The following ACACB variants were observed in gnomAD, a reference collection of about 807,000 sequenced individuals.
ACACB encodes acetyl-CoA carboxylase beta, also known as acetyl-CoA carboxylase 2.
A neutral mutation model predicts 278.8 loss-of-function variants in ACACB; 209 were observed. That is an observed-to-expected ratio of 0.75 (90% CI 0.67 to 0.84). The LOEUF is 0.84. ACACB is among the 40% of genes least tolerant of loss of function. The probability of loss-of-function intolerance (pLI) is 0.00; values close to 1 mark genes in which losing one functional copy is unlikely to be tolerated. For missense variants in ACACB, 2,850 were observed against 3,269.0 expected (o/e 0.87, Z 3.13); for synonymous variants, 1,174 against 1,285.6 (o/e 0.91, Z 1.86).
chr12:109,124,878 C>T (rs1044327584), intron 1 of ACACB, among the ~76,000 whole-genome samples: 8 of 152,150 alleles, frequency 5.3e-5, no homozygotes, highest in Admixed American at 1.3e-4. Flanking sequence ...CCATGCCTGG[C>T]TAATTTTATG....
At chr12:109,114,694 T>C (rs1431186736), upstream of ACACB, among the ~76,000 whole-genome samples, 1 of 151,910 alleles carries the variant, frequency 6.6e-6, no homozygotes, top group Non-Finnish European at 1.5e-5. Context: ...AAAAAAATTT[T>C]TTTTTTTTTA....
chr12:109,167,643 A>ATATATATATATATT lies in ACACB; in HGVS notation c.787-242_787-241insATTTATATATATAT, dbSNP rs1417620102. Among the ~76,000 whole-genome samples the ATATATATATATATT allele has an allele frequency of 3.2e-3, 438 of 135,518 alleles. 6 individuals carry two copies. Among genetic ancestry groups the ATATATATATATATT allele is most frequent in the African/African-American group, 0.012 (417 of 35,526 alleles). The allele number at this position is 135,518 out of a possible 152,430, so 88.9% of individuals were successfully genotyped here. ...TGTGTATATATATATATATATATAT[A>ATATATATATATATT]TATATATATATTTCAGACAAACAGC... On this transcript the variant is annotated intron_variant, in intron 3 of 52. Transcript: ENST00000338432.
At position 109,254,327 on chromosome 12, in the gene ACACB, T is replaced by C. The variant is rs1364508987; in HGVS notation, c.6159T>C (p.Pro2053=). 1 of 1,609,226 alleles carries C rather than the reference T, an allele frequency of 6.2e-7. No individual in the cohort carries two copies. Among genetic ancestry groups the C allele is most frequent in the Admixed American group, 1.7e-5 (1 of 59,442 alleles). ...YDPRWMLAGR[P]HPTLKGTWQS... ...CCCGGTGGATGCTTGCAGGAAGGCC[T>C]CACCCAAGTAAGTTCTAAAGTATTT... The change falls in exon 44 of 53, where the codon CCT becomes CCC. Residue 2053 remains proline (P), a synonymous_variant. Transcript: ENST00000338432.
rs2046507228 is a variant in ACACB at position 109,232,662 on chromosome 12, C to T, written c.4002-7C>T. 3 of 1,613,292 alleles carry T rather than the reference C, an allele frequency of 1.9e-6. No homozygotes were observed. In the East Asian group the frequency reaches 6.7e-5, roughly 36 times the overall value. The stretch of plus-strand genomic sequence containing the variant: ...TGCCTCATCCCCGACTTGCCATCAC[C>T]TTACAGGATGACCGTGCCCATCAGC... On this transcript the variant is annotated splice_polypyrimidine_tract_variant and splice_region_variant and intron_variant, in intron 28 of 52. Coordinates refer to ENST00000338432, the MANE Select transcript of ACACB (RefSeq NM_001093.4).
chr12:109,186,983 C>G (rs911596271), intron 12 of ACACB, among the ~76,000 whole-genome samples: 1 of 151,888 alleles, frequency 6.6e-6, no homozygotes, highest in Non-Finnish European at 1.5e-5. Context: ...CAAAATTGTA[C>G]TTAGAGGGAG....
At chr12:109,233,887 G>A in intron 30 of ACACB, 40 bp downstream of exon 30, 2 of 1,613,000 alleles carry the variant, frequency 1.2e-6, no homozygotes, top group Admixed American at 1.7e-5. Flanking sequence ...GGGAGCAGGT[G>A]GGCCGTGGCC....
Position 109,249,991 on chromosome 12 carries a change from A to G in ACACB, c.5677A>G (p.Ile1893Val). 1.9e-6 allele frequency: 3 copies of G among 1,612,526 alleles called. No individual in the cohort carries two copies. The highest frequency in any genetic ancestry group is 2.5e-6 in the Non-Finnish European group (3 of 1,179,390). ...CTGTGCTTGCTTTTGAAGATACATG[A>G]TCACGGATATCATCGGGAAGGATGA... The part of the protein sequence containing the change: ...IEEGGESRYM[I>V]TDIIGKDDGL... Residue 1893 changes from isoleucine to valine, a missense_variant, in exon 41 of 53, where the codon ATC becomes GTC. Physicochemically the swap from Ile to Val is conservative, Grantham distance 29. This residue lies in a region of ACACB where 2,265 missense variants were observed against 2,561.3 expected (regional missense o/e 0.88). Transcript: ENST00000338432.
intron 47 of ACACB, chr12:109,259,944 G>A: frequency 1.6e-6 from 1 of 621,254 alleles, no homozygotes; most frequent in South Asian, 1.6e-5. Context: ...TCCCTCCTTT[G>A]TAAAAGGGGG....
Position 109,139,538 on chromosome 12 carries a change from C to G in ACACB, c.133C>G (p.Gln45Glu), listed in dbSNP as rs1217523404. 5.6e-6 allele frequency: 9 copies of G among 1,614,030 alleles called. No individual in the cohort carries two copies. The highest frequency in any genetic ancestry group is 5.9e-6 in the Non-Finnish European group (7 of 1,180,046). ...SKSEANLIPS[Q>E]EPFPASDNSG... ...ATCAGAAGCAAACCTCATCCCGAGC[C>G]AGGAGCCCTTTCCAGCCTCTGATAA... is the stretch of plus-strand genomic sequence containing the variant. Residue 45 changes from glutamine to glutamate, a missense_variant, in exon 2 of 53, where the codon CAG becomes GAG. By Grantham distance (29) the Gln-to-Glu change is conservative. Coordinates refer to ENST00000338432, the MANE Select transcript of ACACB (RefSeq NM_001093.4).
chr12:109,264,136 C>T, intron 49 of ACACB, 96 bp from the exon 50 acceptor site: 1 of 1,388,066 alleles, frequency 7.2e-7, no homozygotes, highest in Non-Finnish European at 9.9e-7. Context: ...TCCTGCAAAT[C>T]CTGATTTGTG....
rs113884626 is a variant in ACACB at position 109,213,366 on chromosome 12, T to C, written c.3350+430T>C. Reference sequence around the variant, plus strand: ...GGCCTGAGCCACCATGTCTGGCCTATAAATGTATTAAGTTTTGTGAAGTGC... The same window carrying C: ...GGCCTGAGCCACCATGTCTGGCCTACAAATGTATTAAGTTTTGTGAAGTGC... On this transcript the variant is annotated intron_variant, in intron 22 of 52. Transcript: ENST00000338432. Among the ~76,000 whole-genome samples the C allele has an allele frequency of 9.6e-3, 1,455 of 152,124 alleles. 15 individuals are homozygous for C. The highest frequency in any genetic ancestry group is 0.028 in the African/African-American group (1,155 of 41,498).
chr12:109,196,811 G>T (rs940381902), intron 16 of ACACB, among the ~76,000 whole-genome samples, 197 bp from the exon 17 acceptor site: 1 of 152,122 alleles, frequency 6.6e-6, no homozygotes, highest in African/African-American at 2.4e-5. Flanking sequence ...GGTGTGGCTC[G>T]CTACTCCAGG....
chr12:109,246,297 A>T lies in ACACB; in HGVS notation c.5420A>T (p.Asp1807Val), dbSNP rs752858458. 2 of 1,611,880 alleles carry T rather than the reference A, an allele frequency of 1.2e-6. No homozygotes were observed. Among genetic ancestry groups the T allele is most frequent in the Non-Finnish European group, 1.7e-6 (2 of 1,179,522 alleles). ...ATTGGATCCTTTGGCCCTGGAGAGG[A>T]CCTTCTGTACCTGCGGGCATCCGAG... ...FRIGSFGPGE[D>V]LLYLRASEMA... Residue 1807 changes from aspartate (D) to valine (V), a missense_variant, in exon 39 of 53, where the codon GAC (aspartate) becomes GTC (valine). By Grantham distance (152) the Asp-to-Val change is radical (BLOSUM62 -3). Coordinates refer to ENST00000338432, the MANE Select transcript of ACACB (RefSeq NM_001093.4).
At chr12:109,250,239 C>T in intron 41 of ACACB, 135 bp downstream of exon 41, 1 of 946,236 alleles carries the variant, frequency 1.1e-6, no homozygotes, top group Non-Finnish European at 1.5e-6. Flanking sequence ...ACATGCCAGC[C>T]CACTGATATT....
chr12:109,266,147 G>C (rs114190812), intron 52 of ACACB, 89 bp from the exon 53 acceptor site: 57 of 1,499,786 alleles, frequency 3.8e-5, no homozygotes, highest in Middle Eastern at 1.8e-4. Context: ...GGGTTCTGGG[G>C]TGTGGCCCCA....
At chr12:109,203,995 G>A (rs968356665) in intron 19 of ACACB, among the ~76,000 whole-genome samples, 2 of 152,038 alleles carry the variant, frequency 1.3e-5, no homozygotes. Context: ...CTTTTCTCCA[G>A]AGTATTCTAT....
intron 48 of ACACB, 135 bp downstream of exon 48, chr12:109,260,792 A>G (rs1338635387): frequency 1.8e-5 from 17 of 966,166 alleles, no homozygotes; most frequent in Non-Finnish European, 2.4e-5. Context: ...CTCTTCTTTC[A>G]TGGTTTCCAC....
chr12:109,257,280 A>C (rs2047252193), intron 45 of ACACB, among the ~76,000 whole-genome samples: 1 of 151,998 alleles, frequency 6.6e-6, no homozygotes, highest in African/African-American at 2.4e-5. Flanking sequence ...TCTTCAAAAT[A>C]AATAAAATAA....
intron 2 of ACACB, 43 bp from the exon 3 acceptor site, chr12:109,166,818 C>T: frequency 6.2e-7 from 1 of 1,613,566 alleles, no homozygotes; most frequent in Non-Finnish European, 8.5e-7. Context: ...GAGTCCCAGG[C>T]TTCTTCCCTC....
Sources: gnomAD v4.1 joint callset for allele counts (sites outside exome capture counted in the v4.1 genomes callset) on GRCh38, gnomAD v4.1.1 for gene constraint, gnomAD v4.1.1 regional missense constraint, MANE v1.5 for transcripts, NCBI Gene and HGNC (gene_info 2026-07-23, HGNC 2026-07-21) for gene names.